The following RSPH10B2 variants were observed in gnomAD, a reference collection of about 807,000 sequenced individuals.
RSPH10B2 encodes radial spoke head 10 homolog B2.
Under a neutral mutation model 49.0 loss-of-function variants are expected in RSPH10B2, and 9 were observed. The observed-to-expected ratio is 0.18, with a 90% confidence interval of 0.11 to 0.32. The LOEUF is 0.32. RSPH10B2 is among the 10% of genes least tolerant of loss of function. The pLI is 1.00. For missense variants in RSPH10B2, 95 were observed against 589.9 expected (o/e 0.16, Z 8.69); for synonymous variants, 35 against 210.2 (o/e 0.17, Z 7.21).
Position 6,780,687 on chromosome 7 carries a change from C to T in RSPH10B2, c.1530-122C>T, listed in dbSNP as rs575485597. The stretch of plus-strand genomic sequence containing the variant: ...GGTTTGAGCCACTGACTTTGCCTTC[C>T]CTTTCTATACTCTATACATTAGAAG... On this transcript the variant is annotated intron_variant, in intron 11 of 18. Transcript: ENST00000297186. The T allele has an allele frequency of 2.7e-5, 31 of 1,137,548 alleles. 5 individuals carry two copies. The East Asian group carries it at 1.1e-3, about 40-fold the overall frequency. The allele number at this position is 1,137,548 out of a possible 1,614,324, so 70.5% of individuals were successfully genotyped here.
intron 11 of RSPH10B2, among the ~76,000 whole-genome samples, chr7:6,780,574 G>A (rs1472032597): frequency 1.7e-5 from 2 of 115,906 alleles, no homozygotes; most frequent in African/African-American, 3.3e-5. Flanking sequence ...TAGTGGAGAT[G>A]GGGTTTCACC....
chr7:6,783,918 C>T (rs1191666266), intron 13 of RSPH10B2, among the ~76,000 whole-genome samples: 1 of 138,806 alleles, frequency 7.2e-6, no homozygotes, highest in Non-Finnish European at 1.5e-5. Context: ...CTCACTGCAA[C>T]CTCCGCCTCC....
At chr7:6,776,813 G>A (rs1202925539) in intron 10 of RSPH10B2, among the ~76,000 whole-genome samples, 2 of 95,666 alleles carry the variant, frequency 2.1e-5, no homozygotes, top group Non-Finnish European at 4.2e-5. Context: ...GGAGGCGGAG[G>A]TTGCAGTGAG....
chr7:6,779,953 A>G (rs11975722), intron 11 of RSPH10B2, among the ~76,000 whole-genome samples: 46,260 of 123,944 alleles, frequency 0.37, 10,926 homozygotes, highest in African/African-American at 0.56. Flanking sequence ...GATGACAGGC[A>G]TGTGCCACCA....
At chr7:6,780,924 C>T in intron 12 of RSPH10B2, 36 bp downstream of exon 14, 1 of 1,408,090 alleles carries the variant, frequency 7.1e-7, no homozygotes, top group East Asian at 2.8e-5. Flanking sequence ...ATTTACCGCC[C>T]CATTTTTTTT....
intron 17 of RSPH10B2, among the ~76,000 whole-genome samples, chr7:6,793,952 C>T (rs1411876588): frequency 6.6e-6 from 1 of 152,072 alleles, no homozygotes; most frequent in East Asian, 1.9e-4. Context: ...TGTGTACATG[C>T]TCACCTTTGC....
In RSPH10B2 at chr7:6,781,885, A is replaced by AT. The variant is rs1781949144; in HGVS notation, c.1758+409_1758+410insT. On this transcript the variant is annotated intron_variant, in intron 13 of 18. Transcript: ENST00000297186. ...GTCTTAAAAAATATATATATATATA[A>AT]ATATATATATAATAAATATATATAT... Among the ~76,000 whole-genome samples the AT allele has an allele frequency of 1.9e-5, 2 of 104,342 alleles. 1 individual carries two copies. Among genetic ancestry groups the AT allele is most frequent in the South Asian group, 9.0e-4 (2 of 2,216 alleles). The allele number at this position is 104,342 out of a possible 152,430, so 68.5% of individuals were successfully genotyped here.
chr7:6,764,084 GGCAA>G lies in RSPH10B2; in HGVS notation c.559_562del (p.Lys187GlyfsTer31). ...GTCCTACATCGGCCACTGGTGCAAT[GGCAA>G]GCGGCACGGGAAGGTGGGCGAGGTG... On this transcript the variant is annotated frameshift_variant, in exon 4 of 19. Transcript: ENST00000297186. LOFTEE classifies it high-confidence loss of function. 1 of 1,306,806 alleles carries G rather than the reference GGCAA, an allele frequency of 7.7e-7. No individual in the cohort carries two copies. The highest frequency in any genetic ancestry group is 2.4e-5 in the East Asian group (1 of 41,338). 81.0% of individuals were successfully genotyped at this position (1,306,806 alleles called of 1,614,324 possible). A position where few individuals can be genotyped will look rare whatever the true frequency, so the allele number is the denominator to read the frequency against.
chr7:6,755,903 A>C (rs1390832296), upstream of RSPH10B2, among the ~76,000 whole-genome samples: 1 of 126,124 alleles, frequency 7.9e-6, no homozygotes, highest in East Asian at 2.1e-4. Context: ...CTGCCACTGC[A>C]TTCCAACCTG....
chr7:6,796,721 C>G, exon 18 of RSPH10B2: 1 of 1,320,542 alleles, frequency 7.6e-7, no homozygotes, highest in Non-Finnish European at 9.9e-7. Flanking sequence ...CGTAGCACAG[C>G]ACAGGCCCAG....
intron 18 of RSPH10B2, chr7:6,796,999 G>A (rs538517980): frequency 8.2e-6 from 3 of 368,006 alleles, no homozygotes; most frequent in East Asian, 1.3e-4. Context: ...CTAATATTTG[G>A]TCTTAGTTTC....
At chr7:6,763,474 A>T (rs1448324191) in intron 3 of RSPH10B2, among the ~76,000 whole-genome samples, 5 of 122,058 alleles carry the variant, frequency 4.1e-5, no homozygotes, top group African/African-American at 1.3e-4. Flanking sequence ...TTTTCTAGAG[A>T]CAGGGTCTTC....
chr7:6,756,219 A>G (rs1272199128), upstream of RSPH10B2, among the ~76,000 whole-genome samples: 23 of 140,652 alleles, frequency 1.6e-4, no homozygotes, highest in Non-Finnish European at 2.6e-4. Flanking sequence ...GCAGTGAGCC[A>G]AGATCGCACC....
At chr7:6,796,314 CAAAA>C (rs751282932) in intron 17 of RSPH10B2, among the ~76,000 whole-genome samples, 2 of 85,418 alleles carry the variant, frequency 2.3e-5, no homozygotes, top group Non-Finnish European at 2.6e-5. Flanking sequence ...ACTCTGTCTC[CAAAA>C]AAAAAAAAAC....
intron 17 of RSPH10B2, chr7:6,794,538 G>GT (rs1198770543): frequency 2.6e-5 from 3 of 114,024 alleles, no homozygotes; most frequent in African/African-American, 7.0e-5. Flanking sequence ...CACAGTTCCT[G>GT]TAACAGAAAT....
chr7:6,786,330 C>T (rs1175538217), intron 14 of RSPH10B2, among the ~76,000 whole-genome samples: 2 of 110,294 alleles, frequency 1.8e-5, no homozygotes, highest in Non-Finnish European at 3.5e-5. Flanking sequence ...CTACAGGCGC[C>T]CGCCACCACG....
rs879725343 is a variant in RSPH10B2, at chr7:6,793,013, G to A, written c.2233+1016G>A. 2.2e-4 allele frequency among the ~76,000 whole-genome samples: 24 copies of A among 111,198 alleles called. 7 individuals are homozygous for A. Among genetic ancestry groups the A allele is most frequent in the African/African-American group, 6.7e-4 (18 of 26,986 alleles). The allele number at this position is 111,198 out of a possible 152,430, so 73.0% of individuals were successfully genotyped here. ...TGACCTCAGGTGATCTGCCTGCCTC[G>A]GCTTCCTAAAGTTCTGAGATTACAG... On this transcript the variant is annotated intron_variant, in intron 17 of 18. Transcript: ENST00000297186.
At chr7:6,763,685 A>G (rs1357046407) in intron 3 of RSPH10B2, among the ~76,000 whole-genome samples, 7 of 145,360 alleles carry the variant, frequency 4.8e-5, no homozygotes, top group Non-Finnish European at 7.6e-5. Context: ...TCAACCTGCA[A>G]CCTCCCAGAT....
intron 6 of RSPH10B2, 107 bp downstream of exon 8, chr7:6,766,984 A>G: frequency 1.7e-6 from 2 of 1,149,532 alleles, no homozygotes; most frequent in Non-Finnish European, 2.3e-6. Flanking sequence ...GTTTTGAGAC[A>G]GAGTCTCTCT....
Sources: gnomAD v4.1 joint callset for allele counts (sites outside exome capture counted in the v4.1 genomes callset) on GRCh38, gnomAD v4.1.1 for gene constraint, MANE v1.5 for transcripts, NCBI Gene and HGNC (gene_info 2026-07-23, HGNC 2026-07-21) for gene names.